The following NUAK2 variants were observed in gnomAD, a reference collection of about 807,000 sequenced individuals.
NUAK2 encodes the protein NUAK family SNF1-like kinase 2.
A neutral mutation model predicts 29.8 loss-of-function variants in NUAK2; 20 were observed. The ratio of observed to expected loss-of-function variants is 0.67; its 90% confidence interval spans 0.47 to 0.98. The LOEUF (loss-of-function observed/expected upper bound fraction) is 0.98, where lower values mean the gene tolerates loss of function less well. NUAK2 is among the 50% of genes least tolerant of loss of function. The probability of loss-of-function intolerance (pLI) is 0.00; values close to 1 mark genes in which losing one functional copy is unlikely to be tolerated. For missense variants in NUAK2, 719 were observed against 834.5 expected, an observed-to-expected ratio of 0.86 and a Z score of 1.71; for synonymous variants, 331 against 342.6, an observed-to-expected ratio of 0.97 and a Z score of 0.37.
In NUAK2 at chr1:205,308,461, T is replaced by C. The variant is rs1247740323; in HGVS notation, c.504+120A>G. ...GACATTTCCCTGAGAGTCCAGAATC[T>C]AGTTTTGCCTCTGTTTCTGTGTGAT... On this transcript the variant is annotated intron_variant, in intron 3 of 6. Coordinates refer to ENST00000367157, the MANE Select transcript of NUAK2 (RefSeq NM_030952.3). This position sits in a 1 kb window ranked among gnomAD's most constrained non-coding sequence, Gnocchi z 4.1. 3.6e-6 allele frequency: 4 copies of C among 1,115,236 alleles called. No individual in the cohort carries two copies. The East Asian group carries it at 9.5e-5, about 27-fold the overall frequency. 69.1% of individuals were successfully genotyped at this position (1,115,236 alleles called of 1,614,324 possible). A position where few individuals can be genotyped will look rare whatever the true frequency, so the allele number is the denominator to read the frequency against.
At chr1:205,316,497 G>T (rs550255460) in intron 1 of NUAK2, among the ~76,000 whole-genome samples, 12 of 152,316 alleles carry the variant, frequency 7.9e-5, no homozygotes, top group African/African-American at 2.4e-4. Context: ...CCACCTCTGG[G>T]AGAAAAACTG....
At chr1:205,316,643 T>A (rs1041321634) in intron 1 of NUAK2, among the ~76,000 whole-genome samples, 2 of 152,182 alleles carry the variant, frequency 1.3e-5, no homozygotes, top group Non-Finnish European at 2.9e-5. Flanking sequence ...AATTTGCACA[T>A]CAGGATCTCT....
chr1:205,317,944 CAAAGCCA>C (rs972240015), intron 1 of NUAK2, among the ~76,000 whole-genome samples: 1 of 152,238 alleles, frequency 6.6e-6, no homozygotes. Context: ...AGGACTTCAT[CAAAGCCA>C]GCCTTGCTGG....
At chr1:205,309,029 G>A (rs1460165685) in intron 2 of NUAK2, among the ~76,000 whole-genome samples, 4 of 151,554 alleles carry the variant, frequency 2.6e-5, no homozygotes, top group Non-Finnish European at 5.9e-5. Flanking sequence ...AGGCAGAGAC[G>A]TCACTAGATG....
At chr1:205,311,645 G>A in intron 2 of NUAK2, 60 bp downstream of exon 2, 3 of 1,598,814 alleles carry the variant, frequency 1.9e-6, no homozygotes, top group Non-Finnish European at 1.7e-6. Flanking sequence ...ACATACGCAT[G>A]TGAACACACA....
At chr1:205,307,425 G>T (rs547363896) in intron 4 of NUAK2, among the ~76,000 whole-genome samples, 137 of 152,232 alleles carry the variant, frequency 9.0e-4, no homozygotes, top group African/African-American at 3.2e-3. Context: ...TCCGGGAATT[G>T]GCTGGTAAGA....
At chr1:205,319,045 A>T (rs900239870) in intron 1 of NUAK2, among the ~76,000 whole-genome samples, 4 of 148,708 alleles carry the variant, frequency 2.7e-5, no homozygotes, top group African/African-American at 9.9e-5. Context: ...CCTCTCCCGC[A>T]CTGAAGTATC....
At position 205,304,653 on chromosome 1, in the gene NUAK2, T is replaced by C. The variant is rs1465808962; in HGVS notation, c.824-140A>G. On this transcript the variant is annotated intron_variant, in intron 6 of 6. Transcript: ENST00000367157. The surrounding 1 kb of genome is among the most constrained non-coding windows in gnomAD (Gnocchi z 6.5). ...ATGCGTCCCTTCCAACCTAGGGCTC[T>C]ATACATGCCTTGGCCCAGGACAGCT... 7 of 728,524 alleles carry C rather than the reference T, an allele frequency of 9.6e-6. No individual in the cohort carries two copies. The highest frequency in any genetic ancestry group is 1.5e-5 in the Non-Finnish European group (7 of 455,602). The allele number at this position is 728,524 out of a possible 1,614,324, so 45.1% of individuals were successfully genotyped here.
At chr1:205,312,669 G>A (rs1662272231) in intron 1 of NUAK2, among the ~76,000 whole-genome samples, 1 of 152,174 alleles carries the variant, frequency 6.6e-6, no homozygotes, top group Non-Finnish European at 1.5e-5. Context: ...AGGTGTGGTG[G>A]CACATGCCTG....
At chr1:205,314,575 G>T (rs78311552) in intron 1 of NUAK2, among the ~76,000 whole-genome samples, 9 of 152,026 alleles carry the variant, frequency 5.9e-5, no homozygotes, top group South Asian at 2.1e-4. Context: ...CACACCTCTC[G>T]CCTCCATACC....
In NUAK2 at chr1:205,306,212, A is replaced by G; in HGVS notation, c.666T>C (p.Asn222=). 1 of 1,613,576 alleles carries G rather than the reference A, an allele frequency of 6.2e-7. No homozygotes were observed. ...SPLYASPEIV[N]GKPYTGPEVD... ...CCTCTGGGCCTGTGTAGGGCTTCCC[A>G]TTGACAATCTCTGGCGAGGCATAGA... Residue 222 remains asparagine (N), a synonymous_variant, in exon 5 of 7, where the codon AAT becomes AAC. Coordinates refer to ENST00000367157, the MANE Select transcript of NUAK2 (RefSeq NM_030952.3).
At chr1:205,316,257 A>G (rs375699058) in intron 1 of NUAK2, among the ~76,000 whole-genome samples, 2 of 152,212 alleles carry the variant, frequency 1.3e-5, no homozygotes, top group African/African-American at 2.4e-5. Flanking sequence ...AAACGAAAGG[A>G]TATTTATTCT....
chr1:205,304,623 G>T lies in NUAK2; in HGVS notation c.824-110C>A. 3 of 939,466 alleles carry T rather than the reference G, an allele frequency of 3.2e-6. No homozygotes were observed. The highest frequency in any genetic ancestry group is 4.7e-6 in the Non-Finnish European group (3 of 639,934). The allele number at this position is 939,466 out of a possible 1,614,324, so 58.2% of individuals were successfully genotyped here. On this transcript the variant is annotated intron_variant, in intron 6 of 6. Coordinates refer to ENST00000367157, the MANE Select transcript of NUAK2 (RefSeq NM_030952.3). This position sits in a 1 kb window ranked among gnomAD's most constrained non-coding sequence, Gnocchi z 6.5. Reference sequence around the variant, plus strand: ...GAGCTATGACACTGCATACTCCTGGGTCGGATGCGTCCCTTCCAACCTAGG... The same window carrying T: ...GAGCTATGACACTGCATACTCCTGGTTCGGATGCGTCCCTTCCAACCTAGG...
At position 205,318,927 on chromosome 1, in the gene NUAK2, T is replaced by C. The variant is rs186155506; in HGVS notation, c.231+2471A>G. On this transcript the variant is annotated intron_variant, in intron 1 of 6. Coordinates refer to ENST00000367157, the MANE Select transcript of NUAK2 (RefSeq NM_030952.3). ...GGGAGCGGGAAGTGTGCTAGAAAGG[T>C]GGAGAGAAAATTGGGATGGAAGTCA... Among the ~76,000 whole-genome samples, 92 of 152,152 alleles carry C rather than the reference T, an allele frequency of 6.0e-4. 1 individual carries two copies. The highest frequency in any genetic ancestry group is 5.2e-3 in the Admixed American group (80 of 15,290).
In NUAK2 at chr1:205,308,308, G is replaced by A. The variant is rs920948908; in HGVS notation, c.505-78C>T. The stretch of plus-strand genomic sequence containing the variant: ...TGAGGGGCCCAGTCTGGAGACTGAG[G>A]TAAACACAAAGGGAGCCAAGTGGGC... On this transcript the variant is annotated intron_variant, in intron 3 of 6. Coordinates refer to ENST00000367157, the MANE Select transcript of NUAK2 (RefSeq NM_030952.3). This position sits in a 1 kb window ranked among gnomAD's most constrained non-coding sequence, Gnocchi z 4.1. 7.8e-6 allele frequency: 9 copies of A among 1,147,922 alleles called. No individual in the cohort carries two copies. The African/African-American group carries it at 1.4e-4, about 18-fold the overall frequency. The allele number at this position is 1,147,922 out of a possible 1,614,324, so 71.1% of individuals were successfully genotyped here. A position where few individuals can be genotyped will look rare whatever the true frequency, so the allele number is the denominator to read the frequency against.
chr1:205,311,038 A>T (rs764558893), intron 2 of NUAK2, among the ~76,000 whole-genome samples: 1 of 152,184 alleles, frequency 6.6e-6, no homozygotes, highest in Non-Finnish European at 1.5e-5. Context: ...CTCGACGCAG[A>T]CAGGTGTGTG....
rs1662156812 is a variant in NUAK2, at chr1:205,304,825, GA to G, written c.824-313del. ...TGAAATTCAACCCTCTGAGGGTAGA[GA>G]CTGTGTTCAGGGTAAACTGGGTCTC... On this transcript the variant is annotated intron_variant, in intron 6 of 6. Transcript: ENST00000367157. The surrounding 1 kb of genome is among the most constrained non-coding windows in gnomAD (Gnocchi z 6.5). Among the ~76,000 whole-genome samples, 1 of 152,208 alleles carries G rather than the reference GA, an allele frequency of 6.6e-6. No homozygotes were observed. The highest frequency in any genetic ancestry group is 6.5e-5 in the Admixed American group (1 of 15,282).
At position 205,321,467 on chromosome 1, in the gene NUAK2, C is replaced by G. The variant is rs1662417389; in HGVS notation, c.162G>C (p.Glu54Asp). ...TGCCTTTGCCCAGGGTCTCCAGGAA[C>G]TCGTAGCGGTGCCGCAGGTTGTGCT... ...HHKHNLRHRY[E>D]FLETLGKGTY... The change falls in exon 1 of 7, where the codon GAG becomes GAC. Residue 54 changes from glutamate (E) to aspartate (D), a missense_variant. This residue lies in a region of NUAK2 where 283 missense variants were observed against 345.6 expected (regional missense o/e 0.82). Transcript: ENST00000367157. 6.2e-7 allele frequency: 1 copy of G among 1,614,026 alleles called. No individual in the cohort carries two copies. Among genetic ancestry groups the G allele is most frequent in the Admixed American group, 1.7e-5 (1 of 60,032 alleles).
chr1:205,305,131 G>A, intron 6 of NUAK2, 68 bp downstream of exon 6: 2 of 1,568,250 alleles, frequency 1.3e-6, no homozygotes, highest in South Asian at 1.2e-5. Context: ...CCACTGTGTA[G>A]TTTCTGCCTT....
Sources: gnomAD v4.1 joint callset for allele counts (sites outside exome capture counted in the v4.1 genomes callset) on GRCh38, gnomAD v4.1.1 for gene constraint, gnomAD v4.1.1 regional missense constraint, Gnocchi (gnomAD v3.1) non-coding constraint, MANE v1.5 for transcripts, NCBI Gene and HGNC (gene_info 2026-07-23, HGNC 2026-07-21) for gene names.